The following RFX3 variants were observed in gnomAD, a reference collection of about 807,000 sequenced individuals.
RFX3 encodes the protein transcription factor RFX3.
A neutral mutation model predicts 98.6 loss-of-function variants in RFX3; 14 were observed. That is an observed-to-expected ratio of 0.14 (90% CI 0.09 to 0.22). The LOEUF (loss-of-function observed/expected upper bound fraction) is 0.22, where lower values mean the gene tolerates loss of function less well. Among genes scored for constraint, RFX3 ranks in the 10% least tolerant of loss-of-function variants. The pLI is 1.00. For missense variants in RFX3, 639 were observed against 926.9 expected (o/e 0.69, Z 4.03); for synonymous variants, 383 against 328.4 (o/e 1.17, Z -1.80).
At chr9:3,255,761 T>C (rs1394134236) in intron 14 of RFX3, among the ~76,000 whole-genome samples, 5 of 152,198 alleles carry the variant, frequency 3.3e-5, no homozygotes, top group African/African-American at 1.2e-4. Flanking sequence ...TCATTTGATA[T>C]ATGTCATGTA....
At chr9:3,288,770 T>A (rs1002705478) in intron 6 of RFX3, among the ~76,000 whole-genome samples, 2 of 152,166 alleles carry the variant, frequency 1.3e-5, no homozygotes, top group Non-Finnish European at 2.9e-5. Context: ...AACTTAATTG[T>A]CTGTTACAAA....
At chr9:3,380,684 A>G (rs1839087503) in intron 2 of RFX3, among the ~76,000 whole-genome samples, 3 of 152,168 alleles carry the variant, frequency 2.0e-5, no homozygotes. Context: ...CAGGACAAAA[A>G]CCACATTAAA....
intron 3 of RFX3, among the ~76,000 whole-genome samples, chr9:3,342,576 T>C (rs1834008395): frequency 1.3e-5 from 2 of 152,180 alleles, no homozygotes; most frequent in African/African-American, 4.8e-5. Flanking sequence ...TACAGCATGA[T>C]GTCTCTGTTT....
intron 14 of RFX3, among the ~76,000 whole-genome samples, chr9:3,256,254 G>A (rs923765590): frequency 6.6e-6 from 1 of 151,800 alleles, no homozygotes; most frequent in Non-Finnish European, 1.5e-5. Flanking sequence ...ACAGGCGTAA[G>A]CCACCGTGCC....
At chr9:3,391,470 T>A (rs1840304064) in intron 2 of RFX3, among the ~76,000 whole-genome samples, 1 of 151,886 alleles carries the variant, frequency 6.6e-6, no homozygotes, top group African/African-American at 2.4e-5. Context: ...AGAAAATGAG[T>A]GTTCTCACCT....
chr9:3,233,635 G>A (rs1052552219), intron 15 of RFX3, among the ~76,000 whole-genome samples: 1 of 152,134 alleles, frequency 6.6e-6, no homozygotes, highest in African/African-American at 2.4e-5. Context: ...CTTCCCTGCT[G>A]GAAGAGTTTA....
intron 2 of RFX3, among the ~76,000 whole-genome samples, chr9:3,365,493 A>T (rs1019647932): frequency 3.3e-5 from 5 of 152,126 alleles, no homozygotes; most frequent in Admixed American, 2.6e-4. Flanking sequence ...TAAAACAAAA[A>T]TAGCTGTTTC....
chr9:3,231,283 C>T (rs1205221102), intron 15 of RFX3, among the ~76,000 whole-genome samples: 1 of 152,092 alleles, frequency 6.6e-6, no homozygotes, highest in African/African-American at 2.4e-5. Context: ...TCCTATAGAG[C>T]TGAAGGTAAA....
chr9:3,245,501 G>A (rs1282729168), intron 15 of RFX3, among the ~76,000 whole-genome samples: 2 of 152,116 alleles, frequency 1.3e-5, no homozygotes, highest in East Asian at 3.9e-4. Context: ...AGTCAGCTTT[G>A]CATTTTCACA....
At chr9:3,432,810 CTT>C (rs1158989260) in intron 1 of RFX3, among the ~76,000 whole-genome samples, 1 of 152,108 alleles carries the variant, frequency 6.6e-6, no homozygotes, top group South Asian at 2.1e-4. Flanking sequence ...CTTTTGGTTT[CTT>C]TTATGACTTG....
chr9:3,312,776 C>T (rs1830114598), intron 4 of RFX3, among the ~76,000 whole-genome samples: 1 of 152,210 alleles, frequency 6.6e-6, no homozygotes, highest in African/African-American at 2.4e-5. Context: ...GCTAGCACAC[C>T]AGTCTGAGAT....
At chr9:3,311,610 C>A (rs543150723) in intron 4 of RFX3, among the ~76,000 whole-genome samples, 1 of 152,194 alleles carries the variant, frequency 6.6e-6, no homozygotes, top group Admixed American at 6.5e-5. Flanking sequence ...CAAGACCGGG[C>A]GTGGTGGCTC....
intron 1 of RFX3, among the ~76,000 whole-genome samples, chr9:3,396,229 T>C (rs944887171): frequency 8.6e-5 from 13 of 151,918 alleles, no homozygotes; most frequent in African/African-American, 1.9e-4. Context: ...TGTGATGTTC[T>C]CCTTCCTGTG....
intron 1 of RFX3, among the ~76,000 whole-genome samples, chr9:3,508,477 A>C (rs1263706383): frequency 1.3e-5 from 2 of 152,046 alleles, no homozygotes; most frequent in Non-Finnish European, 2.9e-5. Flanking sequence ...GTAATGCATT[A>C]TATTCTGACT....
intron 2 of RFX3, among the ~76,000 whole-genome samples, chr9:3,347,640 A>G (rs143042688): frequency 4.6e-5 from 7 of 152,258 alleles, no homozygotes; most frequent in Admixed American, 2.6e-4. Flanking sequence ...TCTCCTGACC[A>G]ACATGATGAA....
At chr9:3,376,751 AAAAC>A (rs1838555402) in intron 2 of RFX3, among the ~76,000 whole-genome samples, 1 of 152,182 alleles carries the variant, frequency 6.6e-6, no homozygotes, top group Non-Finnish European at 1.5e-5. Flanking sequence ...TTACAAGAAA[AAAAC>A]AAACAACCCC....
At chr9:3,424,348 CTTTTTTTTTTTTTTTTT>C (rs748693786) in intron 1 of RFX3, among the ~76,000 whole-genome samples, 1 of 76,008 alleles carries the variant, frequency 1.3e-5, no homozygotes, top group East Asian at 3.8e-4. Flanking sequence ...ACATAATTGA[CTTTTTTTTTTTTTTTTT>C]TTTTTTTTTT....
intron 1 of RFX3, among the ~76,000 whole-genome samples, chr9:3,503,907 C>G (rs1564182511): frequency 2.0e-5 from 3 of 151,628 alleles, no homozygotes; most frequent in Non-Finnish European, 2.9e-5. Flanking sequence ...ACCAAATTAG[C>G]AGTCTGGCTA....
chr9:3,327,638 T>C (rs899705357), intron 4 of RFX3, among the ~76,000 whole-genome samples: 1 of 152,034 alleles, frequency 6.6e-6, no homozygotes, highest in Non-Finnish European at 1.5e-5. Context: ...AAAATCACCT[T>C]AGAATTTTTA....
Sources: gnomAD v4.1 joint callset for allele counts (sites outside exome capture counted in the v4.1 genomes callset) on GRCh38, gnomAD v4.1.1 for gene constraint, MANE v1.5 for transcripts, NCBI Gene and HGNC (gene_info 2026-07-23, HGNC 2026-07-21) for gene names.